Variants in ASTN2 observed in about 807,000 individuals in gnomAD.
The protein encoded by ASTN2 is astrotactin-2.
A neutral mutation model predicts 139.8 loss-of-function variants in ASTN2; 54 were observed. The ratio of observed to expected loss-of-function variants is 0.39; its 90% CI spans 0.31 to 0.48. The LOEUF is 0.48. ASTN2 is among the 20% of genes least tolerant of loss of function. The pLI is 0.95. For missense variants in ASTN2, 1,565 were observed against 1,725.1 expected (o/e 0.91, Z 1.64); for synonymous variants, 756 against 719.5 (o/e 1.05, Z -0.81).
chr9:116,580,997 T>C (rs1853926575), intron 19 of ASTN2, among the ~76,000 whole-genome samples: 1 of 152,080 alleles, frequency 6.6e-6, no homozygotes, highest in South Asian at 2.1e-4. Context: ...AGTGGAGCAA[T>C]TACAAGTGAA....
At chr9:116,679,078 T>C (rs999759315) in intron 16 of ASTN2, among the ~76,000 whole-genome samples, 3 of 152,178 alleles carry the variant, frequency 2.0e-5, no homozygotes, top group African/African-American at 7.2e-5. Context: ...TTGGGTCTTA[T>C]TTGGAAAGCT....
At chr9:117,402,442 G>A (rs1286228006) in intron 1 of ASTN2, among the ~76,000 whole-genome samples, 1 of 152,188 alleles carries the variant, frequency 6.6e-6, no homozygotes, top group Non-Finnish European at 1.5e-5. Flanking sequence ...GATGAAGAAT[G>A]ACTGCTTAGC....
intron 20 of ASTN2, among the ~76,000 whole-genome samples, chr9:116,481,307 G>A (rs1849160329): frequency 1.3e-5 from 2 of 152,174 alleles, no homozygotes; most frequent in Admixed American, 1.3e-4. Flanking sequence ...TTGAGCCTGG[G>A]AGATTGAGGC....
intron 3 of ASTN2, 108 bp downstream of exon 3, chr9:117,214,250 C>A: frequency 7.3e-7 from 1 of 1,368,516 alleles, no homozygotes; most frequent in Non-Finnish European, 9.9e-7. Context: ...TCCAAAGTGG[C>A]TTATCCCAGA....
At chr9:116,901,023 T>C (rs1031427045) in intron 10 of ASTN2, among the ~76,000 whole-genome samples, 4 of 152,104 alleles carry the variant, frequency 2.6e-5, no homozygotes, top group Non-Finnish European at 5.9e-5. Context: ...AAGTTAAACA[T>C]AGAATGAGTG....
At chr9:116,579,809 T>G (rs1853875522) in intron 19 of ASTN2, among the ~76,000 whole-genome samples, 1 of 152,044 alleles carries the variant, frequency 6.6e-6, no homozygotes, top group Non-Finnish European at 1.5e-5. Flanking sequence ...TCACTGGCCC[T>G]AAGTCACACC....
At chr9:116,927,382 C>T (rs1194378740) in intron 10 of ASTN2, among the ~76,000 whole-genome samples, 4 of 152,186 alleles carry the variant, frequency 2.6e-5, no homozygotes, top group Admixed American at 1.3e-4. Flanking sequence ...CTTATAATCA[C>T]GGGGTGTCTT....
chr9:116,699,461 G>T lies in ASTN2; in HGVS notation c.2806+26310C>A. 2 of 1,614,204 alleles carry T rather than the reference G, an allele frequency of 1.2e-6. No homozygotes were observed. Among genetic ancestry groups the T allele is most frequent in the Non-Finnish European group, 1.7e-6 (2 of 1,180,036 alleles). On this transcript the variant is annotated intron_variant, in intron 16 of 22. Transcript: ENST00000313400. This position sits in a 1 kb window ranked among gnomAD's most constrained non-coding sequence, Gnocchi z 4.2. ...TTAGCCACTTCTTCTCGGAGAATGAGGATTTCCGCTGCATTGCTGGCATGT... is the reference window on the plus strand; with the variant it reads ...TTAGCCACTTCTTCTCGGAGAATGATGATTTCCGCTGCATTGCTGGCATGT...
At chr9:117,177,910 A>G (rs909738005) in intron 3 of ASTN2, among the ~76,000 whole-genome samples, 1 of 151,918 alleles carries the variant, frequency 6.6e-6, no homozygotes, top group African/African-American at 2.4e-5. Flanking sequence ...TTTGTTCCAC[A>G]CTCTACAAGG....
In ASTN2 at chr9:116,697,854, C is replaced by T. The variant is rs2132070294; in HGVS notation, c.2806+27917G>A. On this transcript the variant is annotated intron_variant, in intron 16 of 22. Transcript: ENST00000313400. ...AGAGCAGCTGCGTCCCAAGCTTCTG[C>T]ACTGTGGCCATACCATCTGCCGCCA... 6.2e-7 allele frequency: 1 copy of T among 1,614,182 alleles called. No homozygotes were observed. Among genetic ancestry groups the T allele is most frequent in the East Asian group, 2.2e-5 (1 of 44,866 alleles).
chr9:116,638,582 C>G (rs986519690), intron 17 of ASTN2, among the ~76,000 whole-genome samples: 1 of 150,522 alleles, frequency 6.6e-6, no homozygotes, highest in Non-Finnish European at 1.5e-5. Context: ...CCTAACTACA[C>G]AGTTACAAGA....
intron 1 of ASTN2, among the ~76,000 whole-genome samples, chr9:117,374,314 A>G (rs1830063435): frequency 1.3e-5 from 2 of 151,300 alleles, no homozygotes; most frequent in East Asian, 2.0e-4. Context: ...AGGATTAACA[A>G]ATTGGACACA....
At chr9:116,749,361 T>A (rs753881755) in intron 13 of ASTN2, among the ~76,000 whole-genome samples, 4 of 152,150 alleles carry the variant, frequency 2.6e-5, no homozygotes, top group Non-Finnish European at 5.9e-5. Context: ...GCACAATTTG[T>A]CCAAGCCACA....
chr9:116,992,926 G>T (rs1265085793), intron 7 of ASTN2, among the ~76,000 whole-genome samples: 1 of 152,086 alleles, frequency 6.6e-6, no homozygotes, highest in African/African-American at 2.4e-5. Context: ...TTCTGCCTTG[G>T]CTTTTCCCAC....
At chr9:117,365,315 A>G (rs10818031) in intron 1 of ASTN2, among the ~76,000 whole-genome samples, 34,965 of 147,276 alleles carry the variant, frequency 0.24, 4,307 homozygotes, top group East Asian at 0.46. Flanking sequence ...AAGAAAGAAA[A>G]AGAAAGAAAG....
At chr9:116,498,251 C>T (rs1434911059) in intron 19 of ASTN2, among the ~76,000 whole-genome samples, 1 of 152,136 alleles carries the variant, frequency 6.6e-6, no homozygotes, top group Non-Finnish European at 1.5e-5. Flanking sequence ...CTTAATTGCT[C>T]TGTCTCTGTG....
chr9:116,760,254 C>T (rs1829641857), intron 13 of ASTN2, among the ~76,000 whole-genome samples: 1 of 152,190 alleles, frequency 6.6e-6, no homozygotes, highest in Admixed American at 6.5e-5. Flanking sequence ...GGAGAAAGGC[C>T]TCCACTAAGC....
In ASTN2 at chr9:117,096,106, G is replaced by A; in HGVS notation, c.1214C>T (p.Ala405Val). 6.2e-7 allele frequency: 1 copy of A among 1,614,052 alleles called. No individual in the cohort carries two copies. Among genetic ancestry groups the A allele is most frequent in the Middle Eastern group, 1.7e-4 (1 of 6,060 alleles). ...GRAKGTSGSE[A>V]DDETQLTFYT... ...GAATGTCAGCTGAGTTTCATCGTCT[G>A]CCTCTGAGCCCGACGTCCCCTTGGC... The change falls in exon 5 of 23, where the codon GCA becomes GTA. Residue 405 changes from alanine to valine, a missense_variant. Coordinates refer to ENST00000313400, the MANE Select transcript of ASTN2 (RefSeq NM_001365068.1).
chr9:117,166,498 G>T (rs185707174), intron 3 of ASTN2, among the ~76,000 whole-genome samples: 2 of 152,096 alleles, frequency 1.3e-5, no homozygotes, highest in Non-Finnish European at 2.9e-5. Flanking sequence ...TTACAGCCTG[G>T]TCTATAACAG....
Sources: gnomAD v4.1 joint callset for allele counts (sites outside exome capture counted in the v4.1 genomes callset) on GRCh38, gnomAD v4.1.1 for gene constraint, Gnocchi (gnomAD v3.1) non-coding constraint, MANE v1.5 for transcripts, NCBI Gene and HGNC (gene_info 2026-07-23, HGNC 2026-07-21) for gene names.